CTNND2: variants seen among roughly 807,000 people sequenced by gnomAD.
CTNND2 encodes catenin delta-2.
In CTNND2, 22 loss-of-function variants were observed where a neutral mutation model predicts 144.4. The observed-to-expected ratio is 0.15, with a 90% CI of 0.11 to 0.22. The LOEUF (loss-of-function observed/expected upper bound fraction) is 0.22. Among genes scored for constraint, CTNND2 ranks in the 10% least tolerant of loss-of-function variants. The probability of loss-of-function intolerance (pLI) is 1.00; values close to 1 mark genes in which losing one functional copy is unlikely to be tolerated. For synonymous variants in CTNND2, 751 were observed against 695.6 expected (o/e 1.08, Z -1.25); for missense variants, 1,353 against 1,618.8 (o/e 0.84, Z 2.82).
intron 16 of CTNND2, among the ~76,000 whole-genome samples, chr5:11,067,338 G>A (rs1747725917): frequency 6.6e-6 from 1 of 152,192 alleles, no homozygotes; most frequent in South Asian, 2.1e-4. Context: ...ATAGCTCTAA[G>A]TATTAAATTA....
intron 11 of CTNND2, among the ~76,000 whole-genome samples, chr5:11,175,346 G>C (rs1760373825): frequency 6.6e-6 from 1 of 152,090 alleles, no homozygotes; most frequent in Non-Finnish European, 1.5e-5. Context: ...AAGGGATAAA[G>C]AATAAAGTAA....
At chr5:11,499,975 T>G (rs1383298289) in intron 3 of CTNND2, among the ~76,000 whole-genome samples, 3 of 152,170 alleles carry the variant, frequency 2.0e-5, no homozygotes, top group Non-Finnish European at 4.4e-5. Context: ...CAGGTAGAGA[T>G]AAGTGATCTT....
chr5:11,036,962 T>C (rs933448004), intron 16 of CTNND2, among the ~76,000 whole-genome samples: 2 of 152,152 alleles, frequency 1.3e-5, no homozygotes, highest in African/African-American at 4.8e-5. Flanking sequence ...ATGAGTAAAA[T>C]ATGAGCATTA....
intron 12 of CTNND2, among the ~76,000 whole-genome samples, chr5:11,128,776 TAA>T (rs1326603834): frequency 0.022 from 919 of 40,856 alleles, 35 homozygotes; most frequent in African/African-American, 0.071. Context: ...ATATTATATA[TAA>T]AATATATAAA....
chr5:11,163,372 C>T (rs1371342280), intron 11 of CTNND2, among the ~76,000 whole-genome samples: 1 of 152,186 alleles, frequency 6.6e-6, no homozygotes, highest in Non-Finnish European at 1.5e-5. Context: ...CCAACCCCAA[C>T]CAAGCCTTCG....
In CTNND2 at chr5:11,053,359, G is replaced by T. The variant is rs1177643338; in HGVS notation, c.2788+29337C>A. Among the ~76,000 whole-genome samples the T allele has an allele frequency of 2.0e-5, 3 of 152,182 alleles. 1 individual carries two copies. The highest frequency in any genetic ancestry group is 7.2e-5 in the African/African-American group (3 of 41,440). On this transcript the variant is annotated intron_variant, in intron 16 of 21. Transcript: ENST00000304623. The stretch of plus-strand genomic sequence containing the variant: ...GTTGAGCTCTTTGGAATAAAGCAAA[G>T]CATATTCAATACTGAAGAGGGAATT...
intron 11 of CTNND2, among the ~76,000 whole-genome samples, chr5:11,191,566 A>C (rs1359376041): frequency 6.6e-6 from 1 of 152,116 alleles, no homozygotes; most frequent in African/African-American, 2.4e-5. Flanking sequence ...GTCCATGGAG[A>C]CATCTGCGGG....
intron 9 of CTNND2, among the ~76,000 whole-genome samples, chr5:11,252,681 T>C (rs1743782558): frequency 6.6e-6 from 1 of 152,172 alleles, no homozygotes; most frequent in Non-Finnish European, 1.5e-5. Context: ...GTCTCAGAGA[T>C]GATCAGGTGA....
intron 11 of CTNND2, among the ~76,000 whole-genome samples, chr5:11,188,615 A>C (rs1735904077): frequency 6.6e-6 from 1 of 152,226 alleles, no homozygotes; most frequent in Non-Finnish European, 1.5e-5. Context: ...CTTTAAAATA[A>C]ATAAAATTTA....
At chr5:11,558,555 A>C (rs1264334873) in intron 3 of CTNND2, among the ~76,000 whole-genome samples, 1 of 152,042 alleles carries the variant, frequency 6.6e-6, no homozygotes, top group Non-Finnish European at 1.5e-5. Context: ...TTTTTTGTAG[A>C]GATGGAGTTT....
At chr5:11,346,267 T>C in intron 9 of CTNND2, 105 bp downstream of exon 9, 1 of 1,176,764 alleles carries the variant, frequency 8.5e-7, no homozygotes, top group South Asian at 2.7e-5. Flanking sequence ...AAGCCAACCC[T>C]TTAATAGTCA....
intron 2 of CTNND2, among the ~76,000 whole-genome samples, chr5:11,635,012 T>G (rs1781607309): frequency 6.6e-6 from 1 of 151,694 alleles, no homozygotes; most frequent in Non-Finnish European, 1.5e-5. Context: ...AAATTAGAGG[T>G]AGGGATTATA....
chr5:11,373,252 A>C lies in CTNND2; in HGVS notation c.1178-8362T>G, dbSNP rs562408948. Among the ~76,000 whole-genome samples, 12 of 152,152 alleles carry C rather than the reference A, an allele frequency of 7.9e-5. No homozygotes were observed. The South Asian group carries it at 2.5e-3, about 32-fold the overall frequency. On this transcript the variant is annotated intron_variant, in intron 7 of 21. Coordinates refer to ENST00000304623, the MANE Select transcript of CTNND2 (RefSeq NM_001332.4). ...GAGCATCTTTCTATCTCTAGGGTGG[A>C]CTTTTTTTAAGACAGGGTCTCACTA... is the stretch of plus-strand genomic sequence containing the variant.
intron 14 of CTNND2, among the ~76,000 whole-genome samples, chr5:11,105,309 G>A (rs1263665687): frequency 6.6e-6 from 1 of 152,200 alleles, no homozygotes; most frequent in Non-Finnish European, 1.5e-5. Context: ...TCCTTCGAAG[G>A]ACAATCTAGT....
At chr5:11,117,881 T>C (rs1209047588) in intron 12 of CTNND2, among the ~76,000 whole-genome samples, 1 of 152,198 alleles carries the variant, frequency 6.6e-6, no homozygotes, top group Non-Finnish European at 1.5e-5. Flanking sequence ...CCATGTACAA[T>C]CAGAAGCTTT....
At chr5:11,272,564 T>G (rs938429758) in intron 9 of CTNND2, among the ~76,000 whole-genome samples, 6 of 152,166 alleles carry the variant, frequency 3.9e-5, no homozygotes, top group African/African-American at 1.4e-4. Flanking sequence ...TTCCATCCTA[T>G]TCAATCCCCT....
chr5:11,435,216 G>A lies in CTNND2; in HGVS notation c.288-23147C>T, dbSNP rs200645073. Among the ~76,000 whole-genome samples the A allele has an allele frequency of 9.2e-5, 14 of 151,766 alleles. No homozygotes were observed. In the East Asian group the frequency reaches 1.6e-3, roughly 17 times the overall value. ...TACAGTGGCGCGATCACAGCTCACC[G>A]CAAGCTCTGCCTCCCAGGTTCACAC... is the stretch of plus-strand genomic sequence containing the variant. On this transcript the variant is annotated intron_variant, in intron 3 of 21. Transcript: ENST00000304623.
In CTNND2 at chr5:11,046,820, C is replaced by G. The variant is rs188485417; in HGVS notation, c.2789-23841G>C. Among the ~76,000 whole-genome samples, 3 of 151,896 alleles carry G rather than the reference C, an allele frequency of 2.0e-5. No homozygotes were observed. The East Asian group carries it at 5.8e-4, about 29-fold the overall frequency. On this transcript the variant is annotated intron_variant, in intron 16 of 21. Transcript: ENST00000304623. ...CCACTGGATTCTGTTTTGTCCAAAT[C>G]TGTTAAAACAAAACAAAACAAAACA...
rs577299269 is a variant in CTNND2, at chr5:11,233,985, A to G, written c.1761+2706T>C. On this transcript the variant is annotated intron_variant, in intron 10 of 21. Transcript: ENST00000304623. Reference sequence around the variant, plus strand: ...TCCCAGGTCCCCTGGGAACATTATCATGGGGCCTGGAAGTGTTTGCAGCCT... The same window carrying G: ...TCCCAGGTCCCCTGGGAACATTATCGTGGGGCCTGGAAGTGTTTGCAGCCT... 9.2e-5 allele frequency among the ~76,000 whole-genome samples: 14 copies of G among 152,176 alleles called. No homozygotes were observed. The East Asian group carries it at 1.5e-3, about 17-fold the overall frequency.
Sources: gnomAD v4.1 joint callset for allele counts (sites outside exome capture counted in the v4.1 genomes callset) on GRCh38, gnomAD v4.1.1 for gene constraint, MANE v1.5 for transcripts, NCBI Gene and HGNC (gene_info 2026-07-23, HGNC 2026-07-21) for gene names.